The following DPYSL2 variants were observed in gnomAD, a reference collection of about 807,000 sequenced individuals.
DPYSL2 encodes dihydropyrimidinase like 2, also known as dihydropyrimidinase-related protein 2.
Under a neutral mutation model 69.9 loss-of-function variants are expected in DPYSL2, and 13 were observed. The ratio of observed to expected loss-of-function variants is 0.19; its 90% CI spans 0.12 to 0.30. The LOEUF (loss-of-function observed/expected upper bound fraction) is 0.30, where lower values mean the gene tolerates loss of function less well. Among genes scored for constraint, DPYSL2 ranks in the 10% least tolerant of loss-of-function variants. The pLI is 1.00. For missense variants in DPYSL2, 587 were observed against 918.9 expected (o/e 0.64, Z 4.67); for synonymous variants, 326 against 359.1 (o/e 0.91, Z 1.04).
chr8:26,612,760 C>T (rs974428403), intron 3 of DPYSL2, among the ~76,000 whole-genome samples: 1 of 152,204 alleles, frequency 6.6e-6, no homozygotes, highest in African/African-American at 2.4e-5. Context: ...AGGGATGGAT[C>T]GTTGAGGTGA....
chr8:26,570,422 A>G (rs1022344573), intron 1 of DPYSL2, among the ~76,000 whole-genome samples: 3 of 152,160 alleles, frequency 2.0e-5, no homozygotes, highest in Admixed American at 6.5e-5. Flanking sequence ...CCCAGTTTCT[A>G]CTAAACAAGT....
intron 1 of DPYSL2, among the ~76,000 whole-genome samples, chr8:26,534,583 C>T (rs1800561752): frequency 6.6e-6 from 1 of 152,000 alleles, no homozygotes; most frequent in South Asian, 2.1e-4. Flanking sequence ...GTAGGGTTGC[C>T]ACTTTTATCA....
At chr8:26,556,080 AG>A (rs1800945406) in intron 1 of DPYSL2, among the ~76,000 whole-genome samples, 2 of 73,440 alleles carry the variant, frequency 2.7e-5, no homozygotes, top group African/African-American at 1.1e-4. Context: ...TACTATATAT[AG>A]TATATACTAT....
chr8:26,603,547 A>G (rs7818193), intron 3 of DPYSL2, among the ~76,000 whole-genome samples: 31,664 of 152,168 alleles, frequency 0.21, 3,402 homozygotes, highest in Middle Eastern at 0.28. Flanking sequence ...TGGGCAGTTC[A>G]GTGGCATTGT....
At chr8:26,581,098 C>A (rs452787) in intron 1 of DPYSL2, among the ~76,000 whole-genome samples, 78,105 of 152,020 alleles carry the variant, frequency 0.51, 21,203 homozygotes, top group African/African-American at 0.69. Context: ...AAAATGGCAT[C>A]AATGGCGTAT....
chr8:26,583,148 A>G (rs896082881), intron 2 of DPYSL2, among the ~76,000 whole-genome samples: 2 of 152,184 alleles, frequency 1.3e-5, no homozygotes, highest in East Asian at 3.8e-4. Context: ...ATTCCTTTTA[A>G]AAAATTGGTA....
intron 1 of DPYSL2, among the ~76,000 whole-genome samples, chr8:26,561,209 T>G (rs1328619881): frequency 3.3e-5 from 5 of 152,140 alleles, no homozygotes; most frequent in Admixed American, 3.3e-4. Context: ...CCTGCTTTCT[T>G]GAAGTACTCT....
intron 1 of DPYSL2, among the ~76,000 whole-genome samples, chr8:26,520,596 T>C (rs1808369936): frequency 6.6e-6 from 1 of 152,150 alleles, no homozygotes; most frequent in Admixed American, 6.5e-5. Flanking sequence ...AAGAAATGTC[T>C]TCAAATATCC....
In DPYSL2 at chr8:26,533,700, G is replaced by A. The variant is rs931122632; in HGVS notation, c.354+19021G>A. On this transcript the variant is annotated intron_variant, in intron 1 of 13. Transcript: ENST00000521913. This position sits in a 1 kb window ranked among gnomAD's most constrained non-coding sequence, Gnocchi z 4.8. The stretch of plus-strand genomic sequence containing the variant: ...TAGAGAAACCACTGGTGCCAAAAAG[G>A]CTGCATCGGGAGTGAAGTCAATGAC... Among the ~76,000 whole-genome samples the A allele has an allele frequency of 6.6e-6, 1 of 152,208 alleles. No individual in the cohort carries two copies. The highest frequency in any genetic ancestry group is 1.5e-5 in the Non-Finnish European group (1 of 68,046).
In DPYSL2 at chr8:26,653,726, T is replaced by G. The variant is rs1246393863; in HGVS notation, c.1942+329T>G. Among the ~76,000 whole-genome samples, 1 of 151,976 alleles carries G rather than the reference T, an allele frequency of 6.6e-6. No homozygotes were observed. Among genetic ancestry groups the G allele is most frequent in the Non-Finnish European group, 1.5e-5 (1 of 67,984 alleles). The stretch of plus-strand genomic sequence containing the variant: ...GCATGCACCACCATACCTGGCTAAT[T>G]TTTGTATTTTTAGTAGAGACGGAGT... On this transcript the variant is annotated intron_variant, in intron 13 of 13. Transcript: ENST00000521913. This position sits in a 1 kb window ranked among gnomAD's most constrained non-coding sequence, Gnocchi z 5.7.
chr8:26,634,930 C>T (rs1183766093), intron 8 of DPYSL2, 30 bp downstream of exon 8: 8 of 1,612,708 alleles, frequency 5.0e-6, no homozygotes, highest in South Asian at 1.1e-5. Context: ...TGGCTGATGG[C>T]AGGTGGGGAG....
rs1477443916 is a variant in DPYSL2, at chr8:26,586,958, G to A, written c.628+2975G>A. On this transcript the variant is annotated intron_variant, in intron 3 of 13. Transcript: ENST00000521913. The surrounding 1 kb of genome is among the most constrained non-coding windows in gnomAD (Gnocchi z 4.7). ...CCAAATGCCATTGCTTTTATAGCCTGAGAAAAGTACTAACTACTTTTGCAA... is the reference window on the plus strand; with the variant it reads ...CCAAATGCCATTGCTTTTATAGCCTAAGAAAAGTACTAACTACTTTTGCAA... Among the ~76,000 whole-genome samples, 4 of 152,230 alleles carry A rather than the reference G, an allele frequency of 2.6e-5. No individual in the cohort carries two copies. Among genetic ancestry groups the A allele is most frequent in the African/African-American group, 9.6e-5 (4 of 41,456 alleles).
At chr8:26,631,329 G>C (rs1045204197) in intron 7 of DPYSL2, among the ~76,000 whole-genome samples, 6 of 152,178 alleles carry the variant, frequency 3.9e-5, no homozygotes, top group African/African-American at 1.4e-4. Context: ...AGCAGGTTCC[G>C]TCTTATGTGG....
In DPYSL2 at chr8:26,609,830, T is replaced by C. The variant is rs891282103; in HGVS notation, c.629-14313T>C. Among the ~76,000 whole-genome samples, 3 of 152,232 alleles carry C rather than the reference T, an allele frequency of 2.0e-5. No homozygotes were observed. The highest frequency in any genetic ancestry group is 4.4e-5 in the Non-Finnish European group (3 of 68,044). On this transcript the variant is annotated intron_variant, in intron 3 of 13. Transcript: ENST00000521913. The surrounding 1 kb of genome is among the most constrained non-coding windows in gnomAD (Gnocchi z 6.5). ...CTCTTTCTGTAATTTGTTCATCGCC[T>C]GGAATTTATTTCTGGCAGACTTTGT...
chr8:26,584,742 C>A (rs182934635), intron 3 of DPYSL2, among the ~76,000 whole-genome samples: 5 of 151,746 alleles, frequency 3.3e-5, no homozygotes, highest in African/African-American at 4.8e-5. Context: ...GGCTCAGCCA[C>A]CCGAGTAGCC....
chr8:26,530,113 C>CAAAAAAAAAAAAA (rs34448431), intron 1 of DPYSL2, among the ~76,000 whole-genome samples: 2 of 72,034 alleles, frequency 2.8e-5, no homozygotes, highest in African/African-American at 1.2e-4. Flanking sequence ...ACTCCGTCTC[C>CAAAAAAAAAAAAA]AAAAAAAAAA....
In DPYSL2 at chr8:26,643,459, C is replaced by T. The variant is rs1803096838; in HGVS notation, c.1147C>T (p.Pro383Ser). The T allele has an allele frequency of 3.7e-6, 6 of 1,601,810 alleles. No individual in the cohort carries two copies. The highest frequency in any genetic ancestry group is 5.1e-6 in the Non-Finnish European group (6 of 1,174,074). Residue 383 changes from proline (P) to serine (S), a missense_variant, in exon 9 of 14, where the codon CCC becomes TCC. Around this residue, in one of 3 missense-constraint regions of DPYSL2, gnomAD observed 452 missense variants for 754.3 expected, o/e 0.60. Transcript: ENST00000521913. The surrounding 1 kb of genome is among the most constrained non-coding windows in gnomAD (Gnocchi z 6.5). ...GTCAGGAACTGTGGTGTATGGCGAG[C>T]CCATCACTGCCAGCTTGGGAACGGA... is the stretch of plus-strand genomic sequence containing the variant. ...RKKGTVVYGEPITASLGTDGS... is the reference protein window; with the variant it reads ...RKKGTVVYGESITASLGTDGS...
chr8:26,624,125 A>G lies in DPYSL2; in HGVS notation c.629-18A>G. The G allele has an allele frequency of 6.2e-7, 1 of 1,613,842 alleles. No homozygotes were observed. The highest frequency in any genetic ancestry group is 8.5e-7 in the Non-Finnish European group (1 of 1,179,888). ...TTGAGGCTCTTGGTGATGATGACAT[A>G]TGTCTGTTTCTTTCTAGTTGACCAC... On this transcript the variant is annotated intron_variant, in intron 3 of 13. Coordinates refer to ENST00000521913, the MANE Select transcript of DPYSL2 (RefSeq NM_001197293.3). The surrounding 1 kb of genome is among the most constrained non-coding windows in gnomAD (Gnocchi z 4.7).
rs145977906 is a variant in DPYSL2, at chr8:26,654,179, G to A, written c.1942+782G>A. The stretch of plus-strand genomic sequence containing the variant: ...GCTCCCCCGTGAGGTTGTTGTGAGG[G>A]TTAAATGGGTTAATATATATGTACA... On this transcript the variant is annotated intron_variant, in intron 13 of 13. Coordinates refer to ENST00000521913, the MANE Select transcript of DPYSL2 (RefSeq NM_001197293.3). The surrounding 1 kb of genome is among the most constrained non-coding windows in gnomAD (Gnocchi z 5.0). Among the ~76,000 whole-genome samples the A allele has an allele frequency of 3.8e-4, 58 of 152,264 alleles. No homozygotes were observed. The highest frequency in any genetic ancestry group is 1.4e-3 in the African/African-American group (58 of 41,542).
Sources: gnomAD v4.1 joint callset for allele counts (sites outside exome capture counted in the v4.1 genomes callset) on GRCh38, gnomAD v4.1.1 for gene constraint, gnomAD v4.1.1 regional missense constraint, Gnocchi (gnomAD v3.1) non-coding constraint, MANE v1.5 for transcripts, NCBI Gene and HGNC (gene_info 2026-07-23, HGNC 2026-07-21) for gene names.